The following NEDD9 variants were observed in gnomAD, a reference collection of about 807,000 sequenced individuals.
NEDD9 encodes the protein neural precursor cell expressed, developmentally down-regulated 9.
Under a neutral mutation model 76.6 loss-of-function variants are expected in NEDD9, and 26 were observed. The ratio of observed to expected loss-of-function variants is 0.34; its 90% CI spans 0.25 to 0.47. The LOEUF (loss-of-function observed/expected upper bound fraction) is 0.47. Among genes scored for constraint, NEDD9 ranks in the 20% least tolerant of loss-of-function variants. The probability of loss-of-function intolerance (pLI) is 1.00; values close to 1 mark genes in which losing one functional copy is unlikely to be tolerated. For synonymous variants in NEDD9, 392 were observed against 414.2 expected (o/e 0.95, Z 0.65); for missense variants, 937 against 1,058.5 (o/e 0.89, Z 1.59).
chr6:11,305,113 A>G (rs1199153939), intron 3 of NEDD9: 2 of 1,289,148 alleles, frequency 1.6e-6, no homozygotes, highest in East Asian at 1.1e-4. Context: ...TTGGCTTGAT[A>G]CGGTGCCCAG....
At chr6:11,329,843 C>T (rs1326225909) in intron 2 of NEDD9, among the ~76,000 whole-genome samples, 2 of 152,092 alleles carry the variant, frequency 1.3e-5, no homozygotes, top group Non-Finnish European at 2.9e-5. Context: ...CAGGACATCC[C>T]CACCCCCAAC....
chr6:11,357,890 C>A (rs1457202887), intron 1 of NEDD9, among the ~76,000 whole-genome samples: 1 of 152,168 alleles, frequency 6.6e-6, no homozygotes, highest in East Asian at 1.9e-4. Context: ...GTGAAAGCAG[C>A]CTTCCCTGCC....
At chr6:11,380,616 C>A (rs1029401986) in intron 1 of NEDD9, among the ~76,000 whole-genome samples, 1 of 152,150 alleles carries the variant, frequency 6.6e-6, no homozygotes, top group Non-Finnish European at 1.5e-5. Context: ...CTGACTACTT[C>A]GGATACCCCT....
intron 3 of NEDD9, 58 bp downstream of exon 3, chr6:11,193,533 T>G (rs1180601097): frequency 7.4e-7 from 1 of 1,350,036 alleles, no homozygotes; most frequent in Non-Finnish European, 1.1e-6. Context: ...TCTACAGCCC[T>G]GAAGGAATGC....
chr6:11,212,980 TA>T (rs1170545531), intron 2 of NEDD9, among the ~76,000 whole-genome samples: 1 of 152,210 alleles, frequency 6.6e-6, no homozygotes, highest in Non-Finnish European at 1.5e-5. Flanking sequence ...AGTGAAGGCT[TA>T]GAAGCTGATA....
chr6:11,336,576 G>T (rs964233366), intron 1 of NEDD9, among the ~76,000 whole-genome samples: 2 of 152,184 alleles, frequency 1.3e-5, no homozygotes, highest in Non-Finnish European at 2.9e-5. Flanking sequence ...TGCAGGACTG[G>T]AAATTGCTCT....
chr6:11,373,864 T>C (rs1271440301), intron 1 of NEDD9, among the ~76,000 whole-genome samples: 3 of 152,124 alleles, frequency 2.0e-5, no homozygotes, highest in Non-Finnish European at 4.4e-5. Context: ...CTCCAATCAG[T>C]TGAAGGCCTT....
intron 3 of NEDD9, among the ~76,000 whole-genome samples, chr6:11,267,900 TA>T (rs1760229592): frequency 6.6e-6 from 1 of 152,130 alleles, no homozygotes. Flanking sequence ...TAGAGAAAAG[TA>T]AAAGGGGGCA....
intron 1 of NEDD9, among the ~76,000 whole-genome samples, chr6:11,356,986 A>C (rs1005057353): frequency 6.6e-6 from 1 of 152,112 alleles, no homozygotes; most frequent in African/African-American, 2.4e-5. Context: ...TGCTGAATAC[A>C]ATGAGGTGAC....
chr6:11,348,010 A>G (rs531784462), intron 1 of NEDD9, among the ~76,000 whole-genome samples: 65 of 152,346 alleles, frequency 4.3e-4, no homozygotes, highest in African/African-American at 1.5e-3. Context: ...CTCTGTTTGC[A>G]GATGACATGA....
At chr6:11,186,458 C>G (rs758424209) in intron 6 of NEDD9, among the ~76,000 whole-genome samples, 6 of 152,078 alleles carry the variant, frequency 3.9e-5, no homozygotes, top group Non-Finnish European at 5.9e-5. Flanking sequence ...AGGGATTCCA[C>G]TAAGACTCAA....
At chr6:11,250,767 G>A (rs1759900928) in intron 3 of NEDD9, among the ~76,000 whole-genome samples, 1 of 152,100 alleles carries the variant, frequency 6.6e-6, no homozygotes, top group Non-Finnish European at 1.5e-5. Flanking sequence ...CTTTACACTT[G>A]GCCACTCCAG....
intron 2 of NEDD9, among the ~76,000 whole-genome samples, chr6:11,212,743 TCAAA>T (rs1758821062): frequency 6.6e-6 from 1 of 152,126 alleles, no homozygotes; most frequent in Non-Finnish European, 1.5e-5. Flanking sequence ...TTTAAATGAG[TCAAA>T]CTAAGCTGAT....
At chr6:11,186,117 C>G (rs888078665) in intron 6 of NEDD9, among the ~76,000 whole-genome samples, 2 of 152,062 alleles carry the variant, frequency 1.3e-5, no homozygotes, top group Non-Finnish European at 2.9e-5. Context: ...TGCTCCTTCT[C>G]GGAGAAAGCC....
At chr6:11,381,692 C>T (rs753768986) in intron 1 of NEDD9, among the ~76,000 whole-genome samples, 9 of 152,270 alleles carry the variant, frequency 5.9e-5, no homozygotes, top group East Asian at 1.9e-4. Context: ...CACCATTTCT[C>T]GCCAGTCAGG....
At chr6:11,264,038 G>C (rs979821830) in intron 3 of NEDD9, among the ~76,000 whole-genome samples, 4 of 152,194 alleles carry the variant, frequency 2.6e-5, no homozygotes, top group Non-Finnish European at 5.9e-5. Context: ...AGGGACAGTG[G>C]TAGAGCCTCC....
At chr6:11,218,903 G>C (rs935584375) in intron 1 of NEDD9, among the ~76,000 whole-genome samples, 1 of 152,112 alleles carries the variant, frequency 6.6e-6, no homozygotes, top group Non-Finnish European at 1.5e-5. Context: ...ACTAGTGTTC[G>C]CAACTACGGA....
rs1286068173 is a variant in NEDD9, at chr6:11,190,549, A to G, written c.1320T>C (p.Tyr440=). ...GTATTTCATTGATGTGTCTTTCCAT[A>G]TATCCGTAACACCGCCAGTCGGTAG... is the stretch of plus-strand genomic sequence containing the variant. ...LVTTDWRCYG[Y]MERHINEIRT... is the part of the protein sequence containing the mutation. The change falls in exon 5 of 7, where the codon TAT becomes TAC. Residue 440 remains tyrosine, a synonymous_variant. Transcript: ENST00000379446. This position sits in a 1 kb window ranked among gnomAD's most constrained non-coding sequence, Gnocchi z 5.8. 1.2e-6 allele frequency: 2 copies of G among 1,614,142 alleles called. No homozygotes were observed.
At chr6:11,336,555 T>A (rs1011711330) in intron 1 of NEDD9, among the ~76,000 whole-genome samples, 1 of 152,186 alleles carries the variant, frequency 6.6e-6, no homozygotes, top group African/African-American at 2.4e-5. Context: ...GCAGCTACCA[T>A]GAATGGTGCT....
Sources: gnomAD v4.1 joint callset for allele counts (sites outside exome capture counted in the v4.1 genomes callset) on GRCh38, gnomAD v4.1.1 for gene constraint, Gnocchi (gnomAD v3.1) non-coding constraint, MANE v1.5 for transcripts, NCBI Gene and HGNC (gene_info 2026-07-23, HGNC 2026-07-21) for gene names.